Variants in PRR3 observed in about 807,000 individuals in gnomAD.
The protein encoded by PRR3 is proline rich 3, also known as proline-rich protein 3.
Under a neutral mutation model 22.4 loss-of-function variants are expected in PRR3, and 16 were observed. The ratio of observed to expected loss-of-function variants is 0.71; its 90% CI spans 0.48 to 1.09. The LOEUF (loss-of-function observed/expected upper bound fraction) is 1.09. Among genes scored for constraint, PRR3 ranks in the 50% least tolerant of loss-of-function variants. PRR3 has a pLI of 0.00. For missense variants in PRR3, 224 were observed against 243.4 expected (o/e 0.92, Z 0.53); for synonymous variants, 87 against 88.6 (o/e 0.98, Z 0.10).
At position 30,561,748 on chromosome 6, in the gene PRR3, TA is replaced by T; in HGVS notation, c.170-78del. 18 of 1,330,484 alleles carry T rather than the reference TA, an allele frequency of 1.4e-5. No homozygotes were observed. Among genetic ancestry groups the T allele is most frequent in the South Asian group, 1.5e-5 (1 of 64,688 alleles). 82.4% of individuals were successfully genotyped at this position (1,330,484 alleles called of 1,614,324 possible). A position where few individuals can be genotyped will look rare whatever the true frequency, so the allele number is the denominator to read the frequency against. ...TGTCTTTATGTATGCTGTTCTTCAATAAAAAAAATTTTTTTAATCACGGTTT... is the reference window on the plus strand; with the variant it reads ...TGTCTTTATGTATGCTGTTCTTCAATAAAAAAATTTTTTTAATCACGGTTT... On this transcript the variant is annotated intron_variant, in intron 2 of 3. Coordinates refer to ENST00000376560, the MANE Select transcript of PRR3 (RefSeq NM_025263.4). This position sits in a 1 kb window ranked among gnomAD's most constrained non-coding sequence, Gnocchi z 4.0.
intron 2 of PRR3, 135 bp downstream of exon 2, chr6:30,558,347 T>G: frequency 2.8e-6 from 2 of 703,740 alleles, no homozygotes; most frequent in Non-Finnish European, 4.9e-6. Context: ...AGTTGTATAT[T>G]TGCTGATTTA....
chr6:30,557,262 C>T (rs113646013), upstream of PRR3: 117 of 1,045,456 alleles, frequency 1.1e-4, 1 homozygote, highest in African/African-American at 1.7e-3. Flanking sequence ...TGCCCACCGA[C>T]CCCCCGGAAG....
Position 30,562,043 on chromosome 6 carries a change from C to G in PRR3, c.379C>G (p.Gln127Glu). ...CACCAGGGGAAGCTTTCACAAGGAA[C>G]AGAGAAACCCTCGAAGGCTCAAAAG... ...GPTRGSFHKE[Q>E]RNPRRLKSWS... Residue 127 changes from glutamine to glutamate, a missense_variant, in exon 3 of 4, where the codon CAG becomes GAG. Physicochemically the swap from Gln to Glu is conservative, Grantham distance 29. Coordinates refer to ENST00000376560, the MANE Select transcript of PRR3 (RefSeq NM_025263.4). The G allele has an allele frequency of 3.7e-6, 6 of 1,612,962 alleles. No individual in the cohort carries two copies. The highest frequency in any genetic ancestry group is 5.1e-6 in the Non-Finnish European group (6 of 1,179,978).
upstream of PRR3, chr6:30,556,943 C>G (rs1239924988): frequency 1.6e-6 from 1 of 620,462 alleles, no homozygotes; most frequent in Non-Finnish European, 2.9e-6. The surrounding 1 kb of genome is among the most constrained non-coding windows in gnomAD (Gnocchi z 5.7). Flanking sequence ...GTTGTGCCTG[C>G]AGCTGTTACC....
chr6:30,561,618 G>A lies in PRR3; in HGVS notation c.170-216G>A, dbSNP rs932268361. On this transcript the variant is annotated intron_variant, in intron 2 of 3. Coordinates refer to ENST00000376560, the MANE Select transcript of PRR3 (RefSeq NM_025263.4). This position sits in a 1 kb window ranked among gnomAD's most constrained non-coding sequence, Gnocchi z 4.0. ...TGGGTAATGGGAAAAGGGGCACAAG[G>A]GGAGGATCTTTTGAGGTGCTAATAA... The A allele has an allele frequency of 1.3e-5, 8 of 603,260 alleles. No homozygotes were observed. The highest frequency in any genetic ancestry group is 2.0e-5 in the Non-Finnish European group (7 of 341,696). The allele number at this position is 603,260 out of a possible 1,614,324, so 37.4% of individuals were successfully genotyped here.
In PRR3 at chr6:30,557,326, A is replaced by C; in HGVS notation, c.-19A>C. On this transcript the variant is annotated 5_prime_UTR_variant, in exon 1 of 4. Transcript: ENST00000376560. ...CTCACTACCCTCCAAATCCCGCTGC[A>C]GCCATTGCCGCAGACACGATGCCGA... 1.9e-6 allele frequency: 3 copies of C among 1,596,812 alleles called. No individual in the cohort carries two copies. The highest frequency in any genetic ancestry group is 2.6e-6 in the Non-Finnish European group (3 of 1,166,932).
chr6:30,562,184 T>C, intron 3 of PRR3, 60 bp downstream of exon 3: 1 of 1,478,436 alleles, frequency 6.8e-7, no homozygotes. Context: ...AGAAGATCAT[T>C]CACAATCTTC....
In PRR3 at chr6:30,562,401, G is replaced by T. The variant is rs149611238; in HGVS notation, c.473G>T (p.Arg158Leu). 22 of 1,613,246 alleles carry T rather than the reference G, an allele frequency of 1.4e-5. No individual in the cohort carries two copies. The highest frequency in any genetic ancestry group is 1.9e-5 in the Non-Finnish European group (22 of 1,179,520). ...CACTTGTTCACAGACAAATCCGACCGCCCTGTCTGCCGACATTTTGCCAAA... is the reference window on the plus strand; with the variant it reads ...CACTTGTTCACAGACAAATCCGACCTCCCTGTCTGCCGACATTTTGCCAAA... Reference protein sequence around the residue: ...DPQVMEDKSDRPVCRHFAKKG... With the variant: ...DPQVMEDKSDLPVCRHFAKKG... The change falls in exon 4 of 4, where the codon CGC becomes CTC. Residue 158 changes from arginine (R) to leucine (L), a missense_variant. Transcript: ENST00000376560.
intron 2 of PRR3, among the ~76,000 whole-genome samples, chr6:30,559,800 G>T (rs974707396): frequency 1.3e-5 from 2 of 151,268 alleles, no homozygotes; most frequent in African/African-American, 4.9e-5. Context: ...CCTGCTTCCA[G>T]GTATATATCA....
chr6:30,562,094 C>A lies in PRR3; in HGVS notation c.430C>A (p.Pro144Thr). Residue 144 changes from proline to threonine, a missense_variant, in exon 3 of 4, where the codon CCG becomes ACG. Transcript: ENST00000376560. ...KSWSLIKNTCPPKDDPQVMED... is the reference protein window; with the variant it reads ...KSWSLIKNTCTPKDDPQVMED... ...CTGGTCTCTTATCAAGAATACCTGCCCGCCCAAGGATGACCCCCAGGTTAT... is the reference window on the plus strand; with the variant it reads ...CTGGTCTCTTATCAAGAATACCTGCACGCCCAAGGATGACCCCCAGGTTAT... 12 of 1,602,752 alleles carry A rather than the reference C, an allele frequency of 7.5e-6. No individual in the cohort carries two copies. Among genetic ancestry groups the A allele is most frequent in the Non-Finnish European group, 9.4e-6 (11 of 1,174,924 alleles).
In PRR3 at chr6:30,562,972, T is replaced by A. The variant is rs913733946; in HGVS notation, c.*477T>A. ...CAGCTGCTTGTGAAACTCAGCCAGG[T>A]TGTCTAACCTGGGGTCAAGTTTGGG... On this transcript the variant is annotated 3_prime_UTR_variant, in exon 4 of 4. Coordinates refer to ENST00000376560, the MANE Select transcript of PRR3 (RefSeq NM_025263.4). The A allele has an allele frequency of 6.5e-6, 1 of 153,386 alleles. No individual in the cohort carries two copies. Among genetic ancestry groups the A allele is most frequent in the African/African-American group, 2.4e-5 (1 of 41,406 alleles). The allele number at this position is 153,386 out of a possible 1,614,324, so 9.5% of individuals were successfully genotyped here.
upstream of PRR3, chr6:30,556,999 C>T (rs1335393484): frequency 4.5e-6 from 3 of 668,592 alleles, no homozygotes; most frequent in Non-Finnish European, 8.2e-6. The surrounding 1 kb of genome is among the most constrained non-coding windows in gnomAD (Gnocchi z 5.7). Flanking sequence ...TGCGACAGTC[C>T]TCTTCTCAGG....
At chr6:30,558,118 T>C (rs975719225) in intron 1 of PRR3, 32 bp from the exon 2 acceptor site, 5 of 1,561,476 alleles carry the variant, frequency 3.2e-6, no homozygotes, top group Non-Finnish European at 4.4e-6. Context: ...TTTAATCCAT[T>C]CTGATGACCA....
intron 1 of PRR3, 100 bp downstream of exon 1, chr6:30,557,550 G>C: frequency 1.3e-6 from 1 of 792,160 alleles, no homozygotes; most frequent in Non-Finnish European, 2.0e-6. Flanking sequence ...AACGGAAGGA[G>C]GAAGGGCGCA....
intron 1 of PRR3, among the ~76,000 whole-genome samples, 192 bp downstream of exon 1, chr6:30,557,642 A>G (rs760832237): frequency 2.0e-5 from 3 of 152,256 alleles, no homozygotes; most frequent in Admixed American, 2.0e-4. Context: ...ATCAACCTCA[A>G]TACGGCCCCA....
Position 30,561,726 on chromosome 6 carries a change from C to T in PRR3, c.170-108C>T. On this transcript the variant is annotated intron_variant, in intron 2 of 3. Coordinates refer to ENST00000376560, the MANE Select transcript of PRR3 (RefSeq NM_025263.4). This position sits in a 1 kb window ranked among gnomAD's most constrained non-coding sequence, Gnocchi z 4.0. ...GGTTGTGCACTTAAAACTGGTGTGTCTTTATGTATGCTGTTCTTCAATAAA... is the reference window on the plus strand; with the variant it reads ...GGTTGTGCACTTAAAACTGGTGTGTTTTTATGTATGCTGTTCTTCAATAAA... 1.0e-6 allele frequency: 1 copy of T among 997,020 alleles called. No individual in the cohort carries two copies. Among genetic ancestry groups the T allele is most frequent in the Non-Finnish European group, 1.4e-6 (1 of 697,990 alleles). The allele number at this position is 997,020 out of a possible 1,614,324, so 61.8% of individuals were successfully genotyped here. A position where few individuals can be genotyped will look rare whatever the true frequency, so the allele number is the denominator to read the frequency against.
At position 30,563,151 on chromosome 6, in the gene PRR3, C is replaced by G. The variant is rs895971181; in HGVS notation, c.*656C>G. On this transcript the variant is annotated 3_prime_UTR_variant, in exon 4 of 4. Coordinates refer to ENST00000376560, the MANE Select transcript of PRR3 (RefSeq NM_025263.4). The stretch of plus-strand genomic sequence containing the variant: ...TCCCCTTGTAGCCTTTCTCAGTGTC[C>G]GTGGCATTTTTGTGACTTCCCAGCA... The G allele has an allele frequency of 1.3e-5, 2 of 152,738 alleles. No homozygotes were observed. The highest frequency in any genetic ancestry group is 2.1e-4 in the South Asian group (1 of 4,826). The allele number at this position is 152,738 out of a possible 1,614,324, so 9.5% of individuals were successfully genotyped here.
chr6:30,560,059 G>C (rs1172249982), intron 2 of PRR3: 1 of 152,250 alleles, frequency 6.6e-6, no homozygotes, highest in Non-Finnish European at 1.5e-5. Context: ...CCACTTATCT[G>C]AGGTGTCTAA....
rs1305031422 is a variant in PRR3 at position 30,561,465 on chromosome 6, CATG to C, written c.170-365_170-363del. On this transcript the variant is annotated intron_variant, in intron 2 of 3. Transcript: ENST00000376560. The surrounding 1 kb of genome is among the most constrained non-coding windows in gnomAD (Gnocchi z 4.0). The stretch of plus-strand genomic sequence containing the variant: ...AGGCAACCTGGATGAATCTCACAAA[CATG>C]ATGTTGAGCGAAAGGAGCCAGACAT... 2 of 510,678 alleles carry C rather than the reference CATG, an allele frequency of 3.9e-6. No individual in the cohort carries two copies. Among genetic ancestry groups the C allele is most frequent in the Non-Finnish European group, 7.6e-6 (2 of 264,480 alleles). 31.6% of individuals were successfully genotyped at this position (510,678 alleles called of 1,614,324 possible).
Sources: gnomAD v4.1 joint callset for allele counts (sites outside exome capture counted in the v4.1 genomes callset) on GRCh38, gnomAD v4.1.1 for gene constraint, Gnocchi (gnomAD v3.1) non-coding constraint, MANE v1.5 for transcripts, NCBI Gene and HGNC (gene_info 2026-07-23, HGNC 2026-07-21) for gene names.